ITPR1: variants seen among roughly 807,000 people sequenced by gnomAD.
ITPR1 encodes inositol 1,4,5-trisphosphate receptor type 1, also known as inositol 1,4,5-trisphosphate-gated calcium channel ITPR1.
ITPR1 carries 96 observed loss-of-function variants against 318.4 expected under a neutral mutation model. That is an observed-to-expected ratio of 0.30 (90% CI 0.26 to 0.36). ITPR1 has a LOEUF of 0.36. ITPR1 is among the 10% of genes least tolerant of loss of function. The probability of loss-of-function intolerance (pLI) is 1.00; values close to 1 mark genes in which losing one functional copy is unlikely to be tolerated. For synonymous variants in ITPR1, 1,312 were observed against 1,289.9 expected, an observed-to-expected ratio of 1.02 and a Z score of -0.37; for missense variants, 2,440 against 3,460.2, an observed-to-expected ratio of 0.71 and a Z score of 7.40.
chr3:4,734,577 C>T (rs2043146179), intron 43 of ITPR1, among the ~76,000 whole-genome samples: 1 of 152,250 alleles, frequency 6.6e-6, no homozygotes, highest in Non-Finnish European at 1.5e-5. Context: ...CTCCCAAACA[C>T]AGTCAGAATC....
intron 4 of ITPR1, among the ~76,000 whole-genome samples, chr3:4,610,348 C>G (rs2091996531): frequency 6.6e-6 from 1 of 151,870 alleles, no homozygotes; most frequent in Non-Finnish European, 1.5e-5. Flanking sequence ...CACACAAGCA[C>G]TTAATAATTG....
intron 60 of ITPR1, 82 bp downstream of exon 60, chr3:4,818,324 G>A: frequency 1.8e-6 from 2 of 1,128,186 alleles, no homozygotes; most frequent in Non-Finnish European, 1.2e-6. Flanking sequence ...CCATCGGGGA[G>A]CTGCACAACA....
rs370925406 is a variant in ITPR1, at chr3:4,747,205, T to C, written c.5544+11851T>C. ...GGACAGTAGTGGTAACAAGTGCTCATGTACCACGGGCTAGCCAGGCGCCCT... is the reference window on the plus strand; with the variant it reads ...GGACAGTAGTGGTAACAAGTGCTCACGTACCACGGGCTAGCCAGGCGCCCT... On this transcript the variant is annotated intron_variant, in intron 44 of 61. Transcript: ENST00000649015. 9.7e-4 allele frequency among the ~76,000 whole-genome samples: 148 copies of C among 152,340 alleles called. 1 individual carries two copies. Among genetic ancestry groups the C allele is most frequent in the Middle Eastern group, 6.8e-3 (2 of 294 alleles).
intron 47 of ITPR1, among the ~76,000 whole-genome samples, chr3:4,775,992 C>T (rs1157868767): frequency 6.6e-6 from 1 of 152,216 alleles, no homozygotes; most frequent in Non-Finnish European, 1.5e-5. Flanking sequence ...AACCCAATAA[C>T]TTCTTGTCTT....
At chr3:4,747,075 G>A (rs1246273003) in intron 44 of ITPR1, among the ~76,000 whole-genome samples, 2 of 152,194 alleles carry the variant, frequency 1.3e-5, no homozygotes, top group Non-Finnish European at 2.9e-5. Flanking sequence ...ACCTTCTTTA[G>A]GTGTGGGAGG....
chr3:4,757,789 A>G (rs1036625090), intron 44 of ITPR1, among the ~76,000 whole-genome samples: 1 of 152,222 alleles, frequency 6.6e-6, no homozygotes, highest in Non-Finnish European at 1.5e-5. Context: ...TCACTATAAT[A>G]AAACTTGCAG....
intron 4 of ITPR1, among the ~76,000 whole-genome samples, chr3:4,622,661 T>C (rs1467279169): frequency 2.0e-5 from 3 of 151,934 alleles, no homozygotes; most frequent in Non-Finnish European, 2.9e-5. Context: ...GATCCTCCTG[T>C]CTCGGCCTCC....
rs1447931156 is a variant in ITPR1, at chr3:4,710,933, C to T, written c.4991+460C>T. On this transcript the variant is annotated intron_variant, in intron 38 of 61. Coordinates refer to ENST00000649015, the MANE Select transcript of ITPR1 (RefSeq NM_001378452.1). This position sits in a 1 kb window ranked among gnomAD's most constrained non-coding sequence, Gnocchi z 4.2. ...CTCCATTAGATTTTTGCCCCAAGGC[C>T]GGACACGGTGGCTCATGCCTGTAAT... is the stretch of plus-strand genomic sequence containing the variant. 1.3e-5 allele frequency among the ~76,000 whole-genome samples: 2 copies of T among 152,108 alleles called. No homozygotes were observed. The highest frequency in any genetic ancestry group is 2.4e-5 in the African/African-American group (1 of 41,408).
At chr3:4,766,089 CT>C (rs2045799399) in intron 44 of ITPR1, among the ~76,000 whole-genome samples, 1 of 152,164 alleles carries the variant, frequency 6.6e-6, no homozygotes, top group Non-Finnish European at 1.5e-5. Context: ...GGCAGCATAT[CT>C]TATTCATGTG....
rs746063752 is a variant in ITPR1 at position 4,665,344 on chromosome 3, A to G, written c.1713+48A>G. ...ATGTGGTTGTCAGTTTCCTCCCTGA[A>G]GTTTGTGAACTTTCCTCCTGAGTTT... On this transcript the variant is annotated intron_variant, in intron 17 of 61. Coordinates refer to ENST00000649015, the MANE Select transcript of ITPR1 (RefSeq NM_001378452.1). 3 of 1,557,564 alleles carry G rather than the reference A, an allele frequency of 1.9e-6. No individual in the cohort carries two copies. In the African/African-American group the frequency reaches 4.1e-5, roughly 21 times the overall value.
intron 47 of ITPR1, 139 bp from the exon 48 acceptor site, chr3:4,777,125 C>T (rs867217682): frequency 5.8e-6 from 3 of 519,176 alleles, no homozygotes; most frequent in African/African-American, 1.9e-5. Flanking sequence ...CACTTTCTCA[C>T]GGAAAATTTG....
At chr3:4,611,025 TCCTCCCTCCCTCCCTC>T (rs76587161) in intron 4 of ITPR1, among the ~76,000 whole-genome samples, 2 of 14,730 alleles carry the variant, frequency 1.4e-4, no homozygotes, top group African/African-American at 2.3e-4. Flanking sequence ...CCCTTCCCCT[TCCTCCCTCCCTCCCTC>T]CCTCCCTCCC....
At chr3:4,775,213 C>A in intron 46 of ITPR1, 29 bp from the exon 47 acceptor site, 2 of 1,547,782 alleles carry the variant, frequency 1.3e-6, no homozygotes, top group East Asian at 2.2e-5. Flanking sequence ...TGCCTTTGCT[C>A]ACCGAACCTG....
intron 16 of ITPR1, among the ~76,000 whole-genome samples, chr3:4,663,943 T>C (rs146764774): frequency 6.6e-6 from 1 of 152,226 alleles, no homozygotes; most frequent in Admixed American, 6.5e-5. Flanking sequence ...CTTAGTGATA[T>C]GCATCCAAGG....
intron 4 of ITPR1, among the ~76,000 whole-genome samples, chr3:4,562,350 A>T (rs914736279): frequency 6.6e-6 from 1 of 152,222 alleles, no homozygotes; most frequent in Admixed American, 6.5e-5. Context: ...GGATAGTAAT[A>T]GTCCCAATTT....
At chr3:4,726,836 A>G (rs1330444611) in intron 41 of ITPR1, among the ~76,000 whole-genome samples, 1 of 152,206 alleles carries the variant, frequency 6.6e-6, no homozygotes, top group Non-Finnish European at 1.5e-5. Flanking sequence ...AGCATATAAT[A>G]TAGAACTTCT....
In ITPR1 at chr3:4,516,483, A is replaced by C; in HGVS notation, c.-9A>C. ...ATATTTTACTTTGTCTAGGATTTTC[A>C]AGAAAGACATGTCTGACAAAATGTC... On this transcript the variant is annotated 5_prime_UTR_variant, in exon 3 of 62. Transcript: ENST00000649015. The C allele has an allele frequency of 1.3e-6, 2 of 1,526,502 alleles. No individual in the cohort carries two copies. Among genetic ancestry groups the C allele is most frequent in the Non-Finnish European group, 1.8e-6 (2 of 1,122,664 alleles). 94.6% of individuals were successfully genotyped at this position (1,526,502 alleles called of 1,614,324 possible).
At chr3:4,637,286 T>C (rs773081710) in intron 5 of ITPR1, among the ~76,000 whole-genome samples, 2 of 152,236 alleles carry the variant, frequency 1.3e-5, no homozygotes, top group South Asian at 2.1e-4. Context: ...AACAAATGGC[T>C]CTCCGCAAAG....
chr3:4,577,221 T>C (rs1235896258), intron 4 of ITPR1, among the ~76,000 whole-genome samples: 2 of 152,220 alleles, frequency 1.3e-5, no homozygotes, highest in Non-Finnish European at 2.9e-5. Flanking sequence ...CACACGGCTC[T>C]CTGTGCAGCT....
Sources: gnomAD v4.1 joint callset for allele counts (sites outside exome capture counted in the v4.1 genomes callset) on GRCh38, gnomAD v4.1.1 for gene constraint, Gnocchi (gnomAD v3.1) non-coding constraint, MANE v1.5 for transcripts, NCBI Gene and HGNC (gene_info 2026-07-23, HGNC 2026-07-21) for gene names.